Variants in RTCB observed in about 807,000 individuals in gnomAD.
RTCB encodes RNA-splicing ligase RTCB.
In RTCB, 32 loss-of-function variants were observed where a neutral mutation model predicts 58.2. The ratio of observed to expected loss-of-function variants is 0.55; its 90% CI spans 0.41 to 0.74. RTCB has a LOEUF of 0.74. Among genes scored for constraint, RTCB ranks in the 30% least tolerant of loss-of-function variants. The pLI, the probability that RTCB is intolerant of heterozygous loss-of-function variation, is 0.00. For synonymous variants in RTCB, 247 were observed against 218.6 expected (o/e 1.13, Z -1.15); for missense variants, 523 against 639.0 (o/e 0.82, Z 1.96).
chr22:32,390,447 CA>C (rs1933134664), intron 11 of RTCB, among the ~76,000 whole-genome samples: 1 of 151,460 alleles, frequency 6.6e-6, no homozygotes, highest in Non-Finnish European at 1.5e-5. Context: ...TTGTATTTTC[CA>C]AATCCTTTTT....
At position 32,395,070 on chromosome 22, in the gene RTCB, G is replaced by A. The variant is rs149949517; in HGVS notation, c.1135C>T (p.Arg379Cys). The change falls in exon 9 of 12, where the codon CGC (arginine) becomes TGC (cysteine). Residue 379 changes from arginine (R) to cysteine (C), a missense_variant. Coordinates refer to ENST00000216038, the MANE Select transcript of RTCB (RefSeq NM_014306.5). Reference sequence around the variant, plus strand: ...AGGGGATGGTGAGGAGGGAAAGCGCGGGTGGATCCCTTCCTGTGTACTAAC... The same window carrying A: ...AGGGGATGGTGAGGAGGGAAAGCGCAGGTGGATCCCTTCCTGTGTACTAAC... ...TLLVHRKGST[R>C]AFPPHHPLIA... The A allele has an allele frequency of 1.9e-6, 3 of 1,614,108 alleles. No homozygotes were observed. The highest frequency in any genetic ancestry group is 2.2e-5 in the East Asian group (1 of 44,876).
chr22:32,411,418 C>T (rs1457202882), intron 1 of RTCB, among the ~76,000 whole-genome samples: 1 of 152,140 alleles, frequency 6.6e-6, no homozygotes, highest in Non-Finnish European at 1.5e-5. Context: ...CCATCTGGGA[C>T]GTCAAAGAAG....
At chr22:32,399,435 G>A (rs1933298787) in intron 6 of RTCB, among the ~76,000 whole-genome samples, 168 bp downstream of exon 6, 1 of 151,728 alleles carries the variant, frequency 6.6e-6, no homozygotes, top group South Asian at 2.1e-4. Flanking sequence ...ATCCAGCCCT[G>A]ATAGTTTTTT....
chr22:32,404,671 T>C (rs1236118342), intron 4 of RTCB, among the ~76,000 whole-genome samples: 1 of 151,994 alleles, frequency 6.6e-6, no homozygotes, highest in Non-Finnish European at 1.5e-5. Context: ...CCTCCCAAAG[T>C]TTTTCTAGTT....
At chr22:32,392,196 T>C (rs1326187163) in intron 11 of RTCB, 44 bp downstream of exon 11, 3 of 1,575,216 alleles carry the variant, frequency 1.9e-6, no homozygotes, top group Non-Finnish European at 2.6e-6. Flanking sequence ...AAATTACAAA[T>C]GGGGAACAAT....
rs376651155 is a variant in RTCB at position 32,408,741 on chromosome 22, T to C, written c.172+14A>G. 26 of 1,598,334 alleles carry C rather than the reference T, an allele frequency of 1.6e-5. No individual in the cohort carries two copies. The African/African-American group carries it at 3.2e-4, about 20-fold the overall frequency. ...ACTACCGTACTAACACAAGTGAAAC[T>C]CTAATGTACTTACCACCACCTCGAC... is the stretch of plus-strand genomic sequence containing the variant. On this transcript the variant is annotated intron_variant, in intron 2 of 11. Transcript: ENST00000216038.
At chr22:32,398,161 T>C in intron 6 of RTCB, 61 bp from the exon 7 acceptor site, 1 of 1,548,506 alleles carries the variant, frequency 6.5e-7, no homozygotes, top group East Asian at 2.3e-5. Flanking sequence ...TTAATCTATT[T>C]AAAAACCAAA....
intron 4 of RTCB, among the ~76,000 whole-genome samples, chr22:32,404,730 C>CTTGGCATGGGCCCA (rs1183254912): frequency 1.3e-5 from 2 of 152,086 alleles, no homozygotes; most frequent in Admixed American, 1.3e-4. Context: ...CCATGCTGGA[C>CTTGGCATGGGCCCA]TGCAGTGGCG....
At chr22:32,398,652 C>G (rs1312010299) in intron 6 of RTCB, among the ~76,000 whole-genome samples, 1 of 152,034 alleles carries the variant, frequency 6.6e-6, no homozygotes, top group Non-Finnish European at 1.5e-5. Flanking sequence ...CAAAAAAAAT[C>G]AAGCTTTTAA....
chr22:32,396,266 A>G lies in RTCB; in HGVS notation c.815-17T>C, dbSNP rs1256479605. 3 of 1,613,354 alleles carry G rather than the reference A, an allele frequency of 1.9e-6. No homozygotes were observed. Among genetic ancestry groups the G allele is most frequent in the Admixed American group, 1.7e-5 (1 of 59,988 alleles). ...CCAGCGCATCTGGAACAAGAGCCAC[A>G]AAGTCCAAACCAGTTAGCTTTCCCT... is the stretch of plus-strand genomic sequence containing the variant. On this transcript the variant is annotated splice_polypyrimidine_tract_variant and intron_variant, in intron 7 of 11. Coordinates refer to ENST00000216038, the MANE Select transcript of RTCB (RefSeq NM_014306.5).
intron 1 of RTCB, 59 bp downstream of exon 1, chr22:32,412,005 A>T: frequency 1.4e-6 from 2 of 1,399,414 alleles, no homozygotes; most frequent in Non-Finnish European, 9.9e-7. Flanking sequence ...GGCGCAGTGG[A>T]CGCCGGCCGG....
intron 2 of RTCB, 135 bp downstream of exon 2, chr22:32,408,620 T>C (rs185112611): frequency 7.4e-6 from 5 of 675,810 alleles, no homozygotes; most frequent in Middle Eastern, 2.4e-4. Flanking sequence ...AATAAGTAAG[T>C]GCTTTTGGTC....
intron 7 of RTCB, among the ~76,000 whole-genome samples, chr22:32,397,546 A>G (rs1010691921): frequency 6.6e-6 from 1 of 152,192 alleles, no homozygotes; most frequent in African/African-American, 2.4e-5. Flanking sequence ...CATCACATCT[A>G]CTGTTGCAGA....
At position 32,388,115 on chromosome 22, in the gene RTCB, T is replaced by G. The variant is rs558953427; in HGVS notation, c.1411-16A>C. On this transcript the variant is annotated splice_polypyrimidine_tract_variant and intron_variant, in intron 11 of 11. Coordinates refer to ENST00000216038, the MANE Select transcript of RTCB (RefSeq NM_014306.5). ...ACTCAGGAGCCTGCAGGAGAGGAAT[T>G]TAAACATTGTACAAGTCCACTGAAA... 1 of 1,512,070 alleles carries G rather than the reference T, an allele frequency of 6.6e-7. No homozygotes were observed. Among genetic ancestry groups the G allele is most frequent in the African/African-American group, 1.4e-5 (1 of 73,012 alleles). 93.7% of individuals were successfully genotyped at this position (1,512,070 alleles called of 1,614,324 possible). A position where few individuals can be genotyped will look rare whatever the true frequency, so the allele number is the denominator to read the frequency against.
intron 9 of RTCB, among the ~76,000 whole-genome samples, 162 bp from the exon 10 acceptor site, chr22:32,394,164 T>G (rs1171821679): frequency 1.3e-5 from 2 of 149,194 alleles, no homozygotes; most frequent in South Asian, 2.1e-4. Flanking sequence ...CAGGCTGGAG[T>G]GCAGTGGCGG....
At chr22:32,403,417 G>GA (rs1051687075) in intron 4 of RTCB, among the ~76,000 whole-genome samples, 227 of 150,316 alleles carry the variant, frequency 1.5e-3, no homozygotes, top group African/African-American at 4.7e-3. Context: ...AAAAAAAAAA[G>GA]AAAAAAAAAC....
At chr22:32,400,091 C>A in intron 5 of RTCB, 3 of 181,728 alleles carry the variant, frequency 1.7e-5, no homozygotes, top group East Asian at 1.4e-4. Flanking sequence ...ATTAAACAGA[C>A]AAAAACAAAA....
rs1569440015 is a variant in RTCB, at chr22:32,392,327, A to G, written c.1323T>C (p.Arg441=). ...GRALSRAKSR[R]NLDFQDVLDK... is the part of the protein sequence containing the mutation. The stretch of plus-strand genomic sequence containing the variant: ...CTAAGACATCCTGGAAATCTAAATT[A>G]CGTCGAGATTTTGCTCGGGACAATG... The change falls in exon 11 of 12, where the codon CGT becomes CGC. Residue 441 remains arginine, a synonymous_variant. Transcript: ENST00000216038. 1 of 1,614,154 alleles carries G rather than the reference A, an allele frequency of 6.2e-7. No individual in the cohort carries two copies.
Position 32,391,221 on chromosome 22 carries a change from A to T in RTCB, c.1410+1019T>A, listed in dbSNP as rs373199772. On this transcript the variant is annotated intron_variant, in intron 11 of 11. Transcript: ENST00000216038. ...TGGAAGCTACTTAAATGTCCACTAC[A>T]GGCAGAAAGTAAGGTACTCAGCTGG... 3.3e-5 allele frequency among the ~76,000 whole-genome samples: 5 copies of T among 152,326 alleles called. No homozygotes were observed. The East Asian group carries it at 5.8e-4, about 18-fold the overall frequency.
Sources: gnomAD v4.1 joint callset for allele counts (sites outside exome capture counted in the v4.1 genomes callset) on GRCh38, gnomAD v4.1.1 for gene constraint, MANE v1.5 for transcripts, NCBI Gene and HGNC (gene_info 2026-07-23, HGNC 2026-07-21) for gene names.